CAPN8: variants seen among roughly 807,000 people sequenced by gnomAD.
The protein encoded by CAPN8 is calpain 8.
CAPN8 carries 87 observed loss-of-function variants against 80.9 expected under a neutral mutation model. The ratio of observed to expected loss-of-function variants is 1.07; its 90% CI spans 0.90 to 1.28. The LOEUF (loss-of-function observed/expected upper bound fraction) is 1.28. Ranked by LOEUF, CAPN8 falls within the 50% of genes most tolerant of loss-of-function variation. The pLI, the probability that CAPN8 is intolerant of heterozygous loss-of-function variation, is 0.00. For missense variants in CAPN8, 757 were observed against 702.0 expected, an observed-to-expected ratio of 1.08 and a Z score of -0.89; for synonymous variants, 299 against 273.8, an observed-to-expected ratio of 1.09 and a Z score of -0.91.
intron 2 of CAPN8, among the ~76,000 whole-genome samples, chr1:223,630,301 T>A (rs897348702): frequency 2.1e-5 from 1 of 47,154 alleles, no homozygotes; most frequent in African/African-American, 6.2e-5. Context: ...GCTCACTCGC[T>A]CTCTCTCTCT....
intron 2 of CAPN8, among the ~76,000 whole-genome samples, chr1:223,639,066 C>A (rs10916014): frequency 0.38 from 57,408 of 151,880 alleles, 12,237 homozygotes; most frequent in Non-Finnish European, 0.49. Context: ...ATGGTGGAAC[C>A]CTGTCTCTAT....
At chr1:223,644,344 T>C (rs10158818) in intron 2 of CAPN8, 2,345 of 187,536 alleles carry the variant, frequency 0.013, 63 homozygotes, top group African/African-American at 0.052. Context: ...GGCTCCATCA[T>C]AGCTTTTTGC....
chr1:223,654,842 A>ATTTTT (rs35365292), intron 1 of CAPN8, among the ~76,000 whole-genome samples: 10 of 111,718 alleles, frequency 9.0e-5, no homozygotes, highest in African/African-American at 1.1e-4. Context: ...CACCCGGCTA[A>ATTTTT]TTTTTTTTTT....
At chr1:223,653,168 C>T (rs1658385977) in intron 2 of CAPN8, among the ~76,000 whole-genome samples, 2 of 151,034 alleles carry the variant, frequency 1.3e-5, no homozygotes, top group Admixed American at 1.3e-4. Flanking sequence ...AACGCTACCC[C>T]TCTGTGAGCC....
intron 1 of CAPN8, among the ~76,000 whole-genome samples, chr1:223,655,826 G>C (rs1049372051): frequency 2.6e-5 from 4 of 152,168 alleles, no homozygotes; most frequent in Non-Finnish European, 4.4e-5. Context: ...AAACTGCTAG[G>C]GGAAAAGGGC....
chr1:223,611,866 G>C (rs1259066069), intron 11 of CAPN8, among the ~76,000 whole-genome samples: 1 of 152,234 alleles, frequency 6.6e-6, no homozygotes, highest in Non-Finnish European at 1.5e-5. Flanking sequence ...AAACCCAGAA[G>C]AACTGGGGTA....
At chr1:223,615,786 A>G (rs1481870579) in intron 10 of CAPN8, 184 bp downstream of exon 10, 1 of 728,114 alleles carries the variant, frequency 1.4e-6, no homozygotes, top group Non-Finnish European at 2.4e-6. Flanking sequence ...AGCCATAGGA[A>G]TGAATCTCTA....
rs1429692378 is a variant in CAPN8, at chr1:223,544,097, C to A, written c.1999G>T (p.Ala667Ser). Residue 667 changes from alanine to serine, a missense_variant, in exon 19 of 21, where the codon GCT (alanine) becomes TCT (serine). Ala to Ser is a moderately conservative substitution (Grantham distance 99). Transcript: ENST00000366872. ...AGGGTCTCCAGGCGGATCATACAAGCCACGAAGCTGTCAAAGTTGATGCCA... is the reference window on the plus strand; with the variant it reads ...AGGGTCTCCAGGCGGATCATACAAGACACGAAGCTGTCAAAGTTGATGCCA... The part of the protein sequence containing the change: ...KLGINFDSFV[A>S]CMIRLETLFK... 18 of 718,200 alleles carry A rather than the reference C, an allele frequency of 2.5e-5. No homozygotes were observed. The Admixed American group carries it at 3.4e-4, about 14-fold the overall frequency. 44.5% of individuals were successfully genotyped at this position (718,200 alleles called of 1,614,324 possible). A position where few individuals can be genotyped will look rare whatever the true frequency, so the allele number is the denominator to read the frequency against.
intron 2 of CAPN8, among the ~76,000 whole-genome samples, chr1:223,637,915 G>T (rs1346247940): frequency 6.6e-6 from 1 of 152,152 alleles, no homozygotes; most frequent in East Asian, 1.9e-4. Context: ...TCTGTAAAAT[G>T]AGTTTGGACC....
intron 3 of CAPN8, 136 bp downstream of exon 3, chr1:223,628,526 G>T: frequency 1.5e-6 from 1 of 663,864 alleles, no homozygotes; most frequent in Non-Finnish European, 2.6e-6. Context: ...ACTGAAGTGT[G>T]CATCAGAGTC....
At chr1:223,654,106 C>G (rs1331458872) in intron 2 of CAPN8, among the ~76,000 whole-genome samples, 2 of 152,168 alleles carry the variant, frequency 1.3e-5, no homozygotes, top group East Asian at 3.9e-4. Flanking sequence ...GGCAAAATCT[C>G]TCATTAGGGG....
intron 14 of CAPN8, among the ~76,000 whole-genome samples, chr1:223,552,196 C>T (rs1228584582): frequency 2.0e-5 from 3 of 152,222 alleles, no homozygotes; most frequent in Non-Finnish European, 4.4e-5. Context: ...GAGGCAAGAG[C>T]TGCACAAAGC....
chr1:223,616,215 G>A, intron 9 of CAPN8, 70 bp from the exon 10 acceptor site: 2 of 1,463,722 alleles, frequency 1.4e-6, no homozygotes, highest in African/African-American at 1.4e-5. Flanking sequence ...TAAAGTAAAA[G>A]GGAAGAAACT....
At chr1:223,649,915 C>A (rs1361733759) in intron 2 of CAPN8, among the ~76,000 whole-genome samples, 1 of 152,110 alleles carries the variant, frequency 6.6e-6, no homozygotes, top group Non-Finnish European at 1.5e-5. Context: ...CCCACGGTAG[C>A]CCCCACTTCC....
At chr1:223,634,041 T>C (rs139290374) in intron 2 of CAPN8, among the ~76,000 whole-genome samples, 1,949 of 152,294 alleles carry the variant, frequency 0.013, 21 homozygotes, top group Middle Eastern at 0.051. Flanking sequence ...GGAACATGTA[T>C]GCCCTGCTGC....
intron 1 of CAPN8, among the ~76,000 whole-genome samples, chr1:223,662,562 A>G (rs1658674427): frequency 6.6e-6 from 1 of 152,216 alleles, no homozygotes; most frequent in Non-Finnish European, 1.5e-5. Flanking sequence ...TTGCAAGATA[A>G]AAACAATTCT....
intron 1 of CAPN8, among the ~76,000 whole-genome samples, chr1:223,659,007 G>C (rs1488236732): frequency 6.6e-6 from 1 of 152,124 alleles, no homozygotes; most frequent in African/African-American, 2.4e-5. Context: ...CCCACACTTA[G>C]AACCCTTTTT....
chr1:223,661,029 G>C, intron 1 of CAPN8, among the ~76,000 whole-genome samples: 1 of 151,730 alleles, frequency 6.6e-6, no homozygotes, highest in East Asian at 2.0e-4. Flanking sequence ...TTAGCCAATT[G>C]GTGGCAGGAG....
intron 3 of CAPN8, 145 bp downstream of exon 3, chr1:223,628,516 AC>A (rs1657669028): frequency 3.1e-6 from 2 of 649,176 alleles, no homozygotes; most frequent in Non-Finnish European, 5.4e-6. Flanking sequence ...AGGTTCTCAG[AC>A]TGAAGTGTGC....
Sources: gnomAD v4.1 joint callset for allele counts (sites outside exome capture counted in the v4.1 genomes callset) on GRCh38, gnomAD v4.1.1 for gene constraint, MANE v1.5 for transcripts, NCBI Gene and HGNC (gene_info 2026-07-23, HGNC 2026-07-21) for gene names.